The following ELMO1 variants were observed in gnomAD, a reference collection of about 807,000 sequenced individuals.
The protein encoded by ELMO1 is engulfment and cell motility 1.
ELMO1 carries 26 observed loss-of-function variants against 98.9 expected under a neutral mutation model. The ratio of observed to expected loss-of-function variants is 0.26; its 90% CI spans 0.19 to 0.36. The LOEUF (loss-of-function observed/expected upper bound fraction) is 0.36. ELMO1 is among the 10% of genes least tolerant of loss of function. The pLI is 1.00. For missense variants in ELMO1, 627 were observed against 935.2 expected (o/e 0.67, Z 4.30); for synonymous variants, 346 against 346.0 (o/e 1.00, Z 0.00).
At position 36,853,959 on chromosome 7, in the gene ELMO1, C is replaced by A. The variant is rs768013441; in HGVS notation, c.*1592G>T. On this transcript the variant is annotated 3_prime_UTR_variant, in exon 22 of 22. Coordinates refer to ENST00000310758, the MANE Select transcript of ELMO1 (RefSeq NM_014800.11). The stretch of plus-strand genomic sequence containing the variant: ...TATTTCAGGTCTGTGGGTATGCATT[C>A]TTTTCATTGCTAAATGTGCTCCCTC... 6.6e-6 allele frequency among the ~76,000 whole-genome samples: 1 copy of A among 152,168 alleles called. No homozygotes were observed. The highest frequency in any genetic ancestry group is 2.1e-4 in the South Asian group (1 of 4,826).
chr7:36,863,756 A>G (rs549477256), intron 20 of ELMO1, among the ~76,000 whole-genome samples: 98 of 152,340 alleles, frequency 6.4e-4, no homozygotes, highest in African/African-American at 2.3e-3. Flanking sequence ...ACTGGAAAGA[A>G]ATATGGGAAA....
intron 13 of ELMO1, among the ~76,000 whole-genome samples, chr7:37,136,716 T>C (rs762466175): frequency 6.7e-6 from 1 of 149,578 alleles, no homozygotes; most frequent in South Asian, 2.1e-4. Flanking sequence ...CAAGAACTGC[T>C]AAAAGGAGCT....
At chr7:37,169,029 C>T (rs1251701810) in intron 13 of ELMO1, among the ~76,000 whole-genome samples, 1 of 151,996 alleles carries the variant, frequency 6.6e-6, no homozygotes, top group Non-Finnish European at 1.5e-5. Context: ...TTTACCTAAG[C>T]AAGCCTGGGC....
intron 13 of ELMO1, among the ~76,000 whole-genome samples, chr7:37,168,549 T>C (rs1789903090): frequency 6.6e-6 from 1 of 152,314 alleles, no homozygotes; most frequent in African/African-American, 2.4e-5. Flanking sequence ...TAGTTTTCCT[T>C]CTAACAGACA....
intron 1 of ELMO1, among the ~76,000 whole-genome samples, chr7:37,366,973 T>TCATCA (rs890960149): frequency 1.3e-5 from 2 of 152,218 alleles, no homozygotes; most frequent in African/African-American, 4.8e-5. Flanking sequence ...TTACATAGTT[T>TCATCA]CATCACATCA....
intron 7 of ELMO1, among the ~76,000 whole-genome samples, chr7:37,241,252 T>C (rs763722186): frequency 2.6e-5 from 4 of 152,180 alleles, no homozygotes; most frequent in Admixed American, 6.5e-5. Context: ...TTTTTATTAC[T>C]AATTATCCCT....
chr7:37,251,080 A>C (rs977527489), intron 6 of ELMO1, among the ~76,000 whole-genome samples: 4 of 152,182 alleles, frequency 2.6e-5, no homozygotes, highest in Non-Finnish European at 4.4e-5. Context: ...AGGCATGGAC[A>C]AAGACTGTGG....
At chr7:37,368,389 A>T (rs1801984930) in intron 1 of ELMO1, among the ~76,000 whole-genome samples, 1 of 152,200 alleles carries the variant, frequency 6.6e-6, no homozygotes, top group Non-Finnish European at 1.5e-5. Flanking sequence ...ACAAGAAGAT[A>T]GTGTTGGAGT....
At chr7:37,128,445 T>C (rs1228694523) in intron 14 of ELMO1, among the ~76,000 whole-genome samples, 1 of 152,164 alleles carries the variant, frequency 6.6e-6, no homozygotes, top group Non-Finnish European at 1.5e-5. Context: ...TAAGTAAGAC[T>C]CGGAAGTCTG....
At chr7:36,930,212 G>A (rs549085173) in intron 16 of ELMO1, among the ~76,000 whole-genome samples, 1 of 152,314 alleles carries the variant, frequency 6.6e-6, no homozygotes, top group South Asian at 2.1e-4. Flanking sequence ...CTCTGGATGT[G>A]TCTAGAAATG....
chr7:37,239,098 T>C (rs1288485280), intron 7 of ELMO1, among the ~76,000 whole-genome samples: 2 of 152,214 alleles, frequency 1.3e-5, no homozygotes, highest in East Asian at 3.8e-4. Flanking sequence ...GTATTTCTTC[T>C]ATAATATATA....
At chr7:37,245,477 C>T (rs573973967) in intron 6 of ELMO1, among the ~76,000 whole-genome samples, 91 of 152,268 alleles carry the variant, frequency 6.0e-4, no homozygotes, top group Admixed American at 5.0e-3. Context: ...TAAATTTAGT[C>T]TCTGGTAAAA....
At chr7:37,224,672 A>G (rs565236296) in intron 9 of ELMO1, among the ~76,000 whole-genome samples, 9 of 152,352 alleles carry the variant, frequency 5.9e-5, no homozygotes, top group African/African-American at 1.7e-4. Context: ...CAATGCCAAG[A>G]ACCAGCTTGG....
At chr7:37,125,291 G>C (rs553588204) in intron 14 of ELMO1, among the ~76,000 whole-genome samples, 5,227 of 151,364 alleles carry the variant, frequency 0.035, 250 homozygotes, top group African/African-American at 0.11. Flanking sequence ...CAAATGGGAT[G>C]TAATTAAACT....
At position 37,342,336 on chromosome 7, in the gene ELMO1, C is replaced by T. The variant is rs1317991434; in HGVS notation, c.78+277G>A. 6.6e-6 allele frequency among the ~76,000 whole-genome samples: 1 copy of T among 152,350 alleles called. No individual in the cohort carries two copies. The highest frequency in any genetic ancestry group is 2.4e-5 in the African/African-American group (1 of 41,590). The stretch of plus-strand genomic sequence containing the variant: ...GATGGGGCAGCCTCCACTGTGTCAA[C>T]TGCCCAGGGCCCGATCCACTTGTCC... On this transcript the variant is annotated intron_variant, in intron 2 of 21. Coordinates refer to ENST00000310758, the MANE Select transcript of ELMO1 (RefSeq NM_014800.11). The surrounding 1 kb of genome is among the most constrained non-coding windows in gnomAD (Gnocchi z 4.3).
intron 2 of ELMO1, among the ~76,000 whole-genome samples, chr7:37,324,654 T>G (rs1047648842): frequency 1.3e-5 from 2 of 152,202 alleles, no homozygotes; most frequent in Non-Finnish European, 2.9e-5. Flanking sequence ...TGATCTTGAC[T>G]CACTGCAGCC....
intron 16 of ELMO1, among the ~76,000 whole-genome samples, chr7:36,947,153 A>G (rs761312532): frequency 6.6e-6 from 1 of 152,122 alleles, no homozygotes; most frequent in Non-Finnish European, 1.5e-5. Context: ...CCCAGTGTCT[A>G]CTGTTTCCAC....
At chr7:37,375,140 T>C (rs2131368446) in intron 1 of ELMO1, among the ~76,000 whole-genome samples, 1 of 152,338 alleles carries the variant, frequency 6.6e-6, no homozygotes, top group South Asian at 2.1e-4. Context: ...CTGATTCCTC[T>C]AGTATTTCCT....
At chr7:37,303,127 C>T (rs1236485803) in intron 4 of ELMO1, among the ~76,000 whole-genome samples, 3 of 152,122 alleles carry the variant, frequency 2.0e-5, no homozygotes, top group Non-Finnish European at 2.9e-5. Flanking sequence ...TTCCATTAAA[C>T]AAATGTTTAT....
Sources: gnomAD v4.1 joint callset for allele counts (sites outside exome capture counted in the v4.1 genomes callset) on GRCh38, gnomAD v4.1.1 for gene constraint, Gnocchi (gnomAD v3.1) non-coding constraint, MANE v1.5 for transcripts, NCBI Gene and HGNC (gene_info 2026-07-23, HGNC 2026-07-21) for gene names.